Variants in CTNNA3 observed in about 807,000 individuals in gnomAD.
CTNNA3 encodes catenin alpha-3.
A neutral mutation model predicts 95.7 loss-of-function variants in CTNNA3; 76 were observed. The observed-to-expected ratio is 0.79, with a 90% CI of 0.66 to 0.96. The LOEUF (loss-of-function observed/expected upper bound fraction) is 0.96, where lower values mean the gene tolerates loss of function less well. Among genes scored for constraint, CTNNA3 ranks in the 40% least tolerant of loss-of-function variants. The probability of loss-of-function intolerance (pLI) is 0.00; values close to 1 mark genes in which losing one functional copy is unlikely to be tolerated. For missense variants in CTNNA3, 1,191 were observed against 1,089.8 expected (o/e 1.09, Z -1.31); for synonymous variants, 431 against 374.4 (o/e 1.15, Z -1.74).
rs150903821 is a variant in CTNNA3 at position 66,719,241 on chromosome 10, A to G, written c.1281+47023T>C. Among the ~76,000 whole-genome samples, 261 of 152,230 alleles carry G rather than the reference A, an allele frequency of 1.7e-3. 2 individuals are homozygous for G. The highest frequency in any genetic ancestry group is 3.1e-3 in the Non-Finnish European group (213 of 68,008). ...TCTAAGACTCTTGATTATAAAATCT[A>G]TGTCTTAATAGTGTTTTTAATAGTG... On this transcript the variant is annotated intron_variant, in intron 9 of 17. Coordinates refer to ENST00000433211, the MANE Select transcript of CTNNA3 (RefSeq NM_013266.4).
chr10:66,212,824 C>A (rs55932869), intron 13 of CTNNA3, among the ~76,000 whole-genome samples: 3 of 152,054 alleles, frequency 2.0e-5, no homozygotes, highest in Non-Finnish European at 4.4e-5. Context: ...GCCAACATGG[C>A]GAAACCCCAT....
At chr10:67,666,530 C>T (rs528066726) in intron 1 of CTNNA3, among the ~76,000 whole-genome samples, 3 of 152,090 alleles carry the variant, frequency 2.0e-5, no homozygotes, top group African/African-American at 4.8e-5. Context: ...CTCTGCACTG[C>T]TCAATCCTTT....
chr10:66,737,805 T>C (rs573586913), intron 9 of CTNNA3, among the ~76,000 whole-genome samples: 184 of 152,174 alleles, frequency 1.2e-3, no homozygotes, highest in Middle Eastern at 6.8e-3. Context: ...ATTACAGGCA[T>C]GTGCCACCAC....
intron 8 of CTNNA3, among the ~76,000 whole-genome samples, chr10:66,771,691 T>C (rs971775704): frequency 3.4e-4 from 52 of 152,240 alleles, no homozygotes; most frequent in African/African-American, 1.2e-3. Flanking sequence ...AAGATAACAA[T>C]ACCATGGCAT....
At chr10:66,884,424 G>T (rs1844963906) in intron 7 of CTNNA3, among the ~76,000 whole-genome samples, 1 of 152,082 alleles carries the variant, frequency 6.6e-6, no homozygotes, top group South Asian at 2.1e-4. Flanking sequence ...GTGATAAAAG[G>T]TATCACTCAC....
chr10:66,628,274 A>T (rs1365550299), intron 9 of CTNNA3, among the ~76,000 whole-genome samples: 1 of 152,114 alleles, frequency 6.6e-6, no homozygotes, highest in Non-Finnish European at 1.5e-5. Context: ...TCTATTTTTT[A>T]AAGTCCTGTG....
At chr10:67,478,450 G>A (rs10997654) in intron 5 of CTNNA3, among the ~76,000 whole-genome samples, 25,723 of 152,034 alleles carry the variant, frequency 0.17, 3,448 homozygotes, top group East Asian at 0.35. Flanking sequence ...CAGAAAATTT[G>A]TAAGCCAGGA....
intron 7 of CTNNA3, among the ~76,000 whole-genome samples, chr10:67,130,640 G>A (rs1859950363): frequency 6.6e-6 from 1 of 152,090 alleles, no homozygotes; most frequent in Admixed American, 6.6e-5. Context: ...AATACATTGT[G>A]TAGCTTATGT....
intron 15 of CTNNA3, among the ~76,000 whole-genome samples, chr10:66,020,163 T>C (rs926418159): frequency 1.3e-5 from 2 of 152,220 alleles, no homozygotes; most frequent in African/African-American, 4.8e-5. Context: ...CAAATTCCAT[T>C]ATCATTTTAA....
chr10:67,758,842 CT>C (rs1296180164), intron 1 of CTNNA3, among the ~76,000 whole-genome samples: 2 of 152,070 alleles, frequency 1.3e-5, no homozygotes, highest in African/African-American at 2.4e-5. Context: ...AAGAAAACTA[CT>C]TTTTTGAGAA....
At chr10:66,346,236 TATATATATATAGAG>T (rs1324205736) in intron 12 of CTNNA3, among the ~76,000 whole-genome samples, 26 of 24,970 alleles carry the variant, frequency 1.0e-3, no homozygotes, top group East Asian at 3.3e-3. Flanking sequence ...TATATATATA[TATATATATATAGAG>T]AGAGAGAGAG....
At chr10:66,756,822 C>G (rs1424987222) in intron 9 of CTNNA3, among the ~76,000 whole-genome samples, 1 of 152,114 alleles carries the variant, frequency 6.6e-6, no homozygotes, top group Admixed American at 6.6e-5. Flanking sequence ...ATAACGTCCT[C>G]TAGATCTTAT....
chr10:67,325,640 T>C (rs1841508878), intron 5 of CTNNA3, among the ~76,000 whole-genome samples: 1 of 152,178 alleles, frequency 6.6e-6, no homozygotes, highest in Admixed American at 6.5e-5. Context: ...AGAGAATTGT[T>C]TTACTTCTGA....
chr10:66,068,831 C>T (rs543418973), intron 15 of CTNNA3, among the ~76,000 whole-genome samples: 9 of 152,238 alleles, frequency 5.9e-5, no homozygotes, highest in South Asian at 4.1e-4. Context: ...CCACAATGTA[C>T]ATTTTTTTCA....
intron 5 of CTNNA3, among the ~76,000 whole-genome samples, chr10:67,370,548 T>C (rs1282629014): frequency 1.3e-5 from 2 of 152,212 alleles, no homozygotes; most frequent in Non-Finnish European, 2.9e-5. Flanking sequence ...AGTTTCATAA[T>C]TTGGGGGTCC....
intron 12 of CTNNA3, among the ~76,000 whole-genome samples, chr10:66,314,551 A>G (rs1746493398): frequency 6.6e-6 from 1 of 152,020 alleles, no homozygotes; most frequent in Admixed American, 6.6e-5. Flanking sequence ...AGAAAACTCT[A>G]AGTTCAAATA....
chr10:67,510,959 G>C (rs1407204166), intron 5 of CTNNA3, among the ~76,000 whole-genome samples: 2 of 152,162 alleles, frequency 1.3e-5, no homozygotes, highest in Admixed American at 1.3e-4. Context: ...TAGTAATTGT[G>C]AATGGAAGTT....
chr10:67,273,843 A>G (rs1327058388), intron 5 of CTNNA3, among the ~76,000 whole-genome samples: 1 of 152,216 alleles, frequency 6.6e-6, no homozygotes, highest in Non-Finnish European at 1.5e-5. Context: ...CCATTAATGT[A>G]AAGTAATGAG....
chr10:67,122,557 T>C (rs901401702), intron 7 of CTNNA3, among the ~76,000 whole-genome samples: 9 of 152,070 alleles, frequency 5.9e-5, no homozygotes, highest in African/African-American at 2.2e-4. Context: ...AACATACAAT[T>C]TGGTCTGTGG....
Sources: gnomAD v4.1 joint callset for allele counts (sites outside exome capture counted in the v4.1 genomes callset) on GRCh38, gnomAD v4.1.1 for gene constraint, MANE v1.5 for transcripts, NCBI Gene and HGNC (gene_info 2026-07-23, HGNC 2026-07-21) for gene names.